The following LMBRD1 variants were observed in gnomAD, a reference collection of about 807,000 sequenced individuals.
LMBRD1 encodes the protein LMBR1 domain containing 1.
In LMBRD1, 64 loss-of-function variants were observed where a neutral mutation model predicts 74.8. That is an observed-to-expected ratio of 0.86 (90% CI 0.70 to 1.05). The LOEUF (loss-of-function observed/expected upper bound fraction) is 1.05, where lower values mean the gene tolerates loss of function less well. LMBRD1 is among the 50% of genes least tolerant of loss of function. LMBRD1 has a pLI of 0.00. For synonymous variants in LMBRD1, 204 were observed against 216.3 expected (o/e 0.94, Z 0.50); for missense variants, 652 against 645.9 (o/e 1.01, Z -0.10).
At chr6:69,690,015 T>C (rs1765843152) in intron 14 of LMBRD1, among the ~76,000 whole-genome samples, 1 of 151,952 alleles carries the variant, frequency 6.6e-6, no homozygotes, top group South Asian at 2.1e-4. Context: ...AGGAGAATAG[T>C]ATTAGCATAC....
chr6:69,775,546 C>T (rs763134812), intron 3 of LMBRD1, among the ~76,000 whole-genome samples: 2 of 152,166 alleles, frequency 1.3e-5, no homozygotes, highest in East Asian at 1.9e-4. Flanking sequence ...TGCCCCTTTA[C>T]AGGAATCAAG....
At position 69,674,230 on chromosome 6, in the gene LMBRD1, G is replaced by A. The variant is rs929150213; in HGVS notation, c.*1928C>T. ...CAGTCATATTGGATTTGGGCTTCACGCAATAGCCTCATTTTACTTTAATTA... is the reference window on the plus strand; with the variant it reads ...CAGTCATATTGGATTTGGGCTTCACACAATAGCCTCATTTTACTTTAATTA... On this transcript the variant is annotated 3_prime_UTR_variant, in exon 16 of 16. Coordinates refer to ENST00000649934, the MANE Select transcript of LMBRD1 (RefSeq NM_018368.4). 1.3e-5 allele frequency among the ~76,000 whole-genome samples: 2 copies of A among 152,066 alleles called. No individual in the cohort carries two copies. The highest frequency in any genetic ancestry group is 4.1e-4 in the South Asian group (2 of 4,826).
chr6:69,775,108 G>A (rs191068077), intron 3 of LMBRD1, among the ~76,000 whole-genome samples: 6 of 151,866 alleles, frequency 4.0e-5, no homozygotes, highest in African/African-American at 1.4e-4. Flanking sequence ...AAAGTTTCTG[G>A]GGCGGGCATA....
At chr6:69,689,608 A>G (rs1765835064) in intron 14 of LMBRD1, among the ~76,000 whole-genome samples, 1 of 152,130 alleles carries the variant, frequency 6.6e-6, no homozygotes, top group Non-Finnish European at 1.5e-5. Context: ...TTGTTTCACC[A>G]TCAAGAGTGA....
At chr6:69,676,641 G>T in intron 14 of LMBRD1, 100 bp from the exon 15 acceptor site, 1 of 924,418 alleles carries the variant, frequency 1.1e-6, no homozygotes, top group South Asian at 1.4e-5. Flanking sequence ...TAATGACTAA[G>T]ATCATATGGC....
intron 3 of LMBRD1, among the ~76,000 whole-genome samples, chr6:69,777,992 C>T (rs868806359): frequency 4.6e-5 from 7 of 152,206 alleles, no homozygotes; most frequent in African/African-American, 9.7e-5. Context: ...TTCGAAGCTA[C>T]GGAATCCTTT....
At chr6:69,705,870 T>C in intron 9 of LMBRD1, 2 of 1,337,240 alleles carry the variant, frequency 1.5e-6, no homozygotes, top group Non-Finnish European at 2.1e-6. Flanking sequence ...GTAAGACCAC[T>C]GGTGGTGTTA....
intron 7 of LMBRD1, among the ~76,000 whole-genome samples, chr6:69,722,298 C>G (rs1048695546): frequency 1.3e-5 from 2 of 152,088 alleles, no homozygotes; most frequent in African/African-American, 4.8e-5. Flanking sequence ...AAAGGGAGTT[C>G]TTCAATCTGA....
intron 7 of LMBRD1, among the ~76,000 whole-genome samples, chr6:69,721,697 T>A (rs1766618304): frequency 1.3e-5 from 2 of 152,152 alleles, no homozygotes. Flanking sequence ...AAGGGGACTT[T>A]GTCTTGCACC....
Position 69,701,547 on chromosome 6 carries a change from TA to T in LMBRD1, c.981-3del, listed in dbSNP as rs202207965. The T allele has an allele frequency of 1.2e-4, 191 of 1,541,308 alleles. No individual in the cohort carries two copies. Among genetic ancestry groups the T allele is most frequent in the African/African-American group, 6.4e-4 (47 of 73,182 alleles). On this transcript the variant is annotated splice_polypyrimidine_tract_variant and splice_region_variant and intron_variant, in intron 10 of 15. Coordinates refer to ENST00000649934, the MANE Select transcript of LMBRD1 (RefSeq NM_018368.4). ...GCTGAATGAAGAGCTTTATCTAAAC[TA>T]AAAAAAATTACAAAGAATGAAATTT...
At chr6:69,677,619 C>T (rs1165556222) in intron 14 of LMBRD1, among the ~76,000 whole-genome samples, 1 of 152,088 alleles carries the variant, frequency 6.6e-6, no homozygotes, top group Non-Finnish European at 1.5e-5. Flanking sequence ...TGTGTGCTAT[C>T]ATTTTCTTAT....
In LMBRD1 at chr6:69,749,427, A is replaced by C. The variant is rs1168663542; in HGVS notation, c.406-19T>G. 1 of 1,591,590 alleles carries C rather than the reference A, an allele frequency of 6.3e-7. No homozygotes were observed. Among genetic ancestry groups the C allele is most frequent in the Non-Finnish European group, 8.6e-7 (1 of 1,159,954 alleles). ...TAATTTGCTAGATGCCAAGGAGAAA[A>C]AAGTATAACATTTAGCAAGCCCTTT... On this transcript the variant is annotated intron_variant, in intron 4 of 15. Transcript: ENST00000649934.
At chr6:69,725,495 C>T (rs1002640781) in intron 7 of LMBRD1, among the ~76,000 whole-genome samples, 1 of 151,976 alleles carries the variant, frequency 6.6e-6, no homozygotes, top group Admixed American at 6.6e-5. Context: ...TATTACAGAG[C>T]TATAGTAACT....
intron 3 of LMBRD1, among the ~76,000 whole-genome samples, chr6:69,762,499 C>T (rs1238371705): frequency 1.3e-5 from 2 of 151,716 alleles, no homozygotes; most frequent in Non-Finnish European, 2.9e-5. Context: ...TCCAAAACAA[C>T]TACACCATAT....
At chr6:69,775,790 CT>C (rs1765685826) in intron 3 of LMBRD1, among the ~76,000 whole-genome samples, 1 of 152,040 alleles carries the variant, frequency 6.6e-6, no homozygotes, top group Non-Finnish European at 1.5e-5. Context: ...ACAGTAGCCA[CT>C]TTTTTTTCAA....
At chr6:69,773,550 T>C (rs1294229104) in intron 3 of LMBRD1, among the ~76,000 whole-genome samples, 1 of 152,164 alleles carries the variant, frequency 6.6e-6, no homozygotes, top group Non-Finnish European at 1.5e-5. Flanking sequence ...AAACTGGAAC[T>C]GAAAAGCTTC....
chr6:69,701,054 C>G (rs1458569137), intron 11 of LMBRD1, among the ~76,000 whole-genome samples, 185 bp from the exon 12 acceptor site: 1 of 151,162 alleles, frequency 6.6e-6, no homozygotes, highest in Non-Finnish European at 1.5e-5. Flanking sequence ...AAACTATTAC[C>G]AAAATTTTTA....
At position 69,752,252 on chromosome 6, in the gene LMBRD1, T is replaced by C. The variant is rs1389370672; in HGVS notation, c.405+7A>G. The C allele has an allele frequency of 4.4e-6, 7 of 1,606,952 alleles. No individual in the cohort carries two copies. The highest frequency in any genetic ancestry group is 2.2e-5 in the East Asian group (1 of 44,618). On this transcript the variant is annotated splice_region_variant and intron_variant, in intron 4 of 15. Transcript: ENST00000649934. ...TAAACTAAGGCCTCTAAAATAAAGA[T>C]ACTTACAGTACATTTACTAGTATCA...
chr6:69,785,944 A>G (rs2149895693), intron 2 of LMBRD1, among the ~76,000 whole-genome samples: 1 of 152,246 alleles, frequency 6.6e-6, no homozygotes, highest in African/African-American at 2.4e-5. Context: ...GCTCTTTACT[A>G]GATTGGCTCC....
Sources: allele counts gnomAD v4.1 joint callset (sites outside exome capture counted in the v4.1 genomes callset), GRCh38; gene constraint gnomAD v4.1.1; transcripts MANE v1.5; gene names NCBI Gene and HGNC (gene_info 2026-07-23, HGNC 2026-07-21).